The following RBFOX1 variants were observed in gnomAD, a reference collection of about 807,000 sequenced individuals.
The protein encoded by RBFOX1 is RNA binding fox-1 homolog 1.
Under a neutral mutation model 57.7 loss-of-function variants are expected in RBFOX1, and 8 were observed. The observed-to-expected ratio is 0.14, with a 90% confidence interval of 0.08 to 0.25. The LOEUF is 0.25. Ranked by LOEUF, RBFOX1 falls within the 10% of genes least tolerant of loss-of-function variation. The pLI is 1.00. For missense variants in RBFOX1, 611 were observed against 548.5 expected (o/e 1.11, Z -1.14); for synonymous variants, 326 against 222.4 (o/e 1.47, Z -4.15).
intron 1 of RBFOX1, among the ~76,000 whole-genome samples, chr16:6,202,120 A>C (rs1056148025): frequency 7.2e-5 from 11 of 152,220 alleles, no homozygotes; most frequent in African/African-American, 2.7e-4. Context: ...ACACATAGCT[A>C]TGTCAGATCA....
chr16:6,775,344 A>AAG (rs2079141887), intron 3 of RBFOX1, among the ~76,000 whole-genome samples: 1 of 150,822 alleles, frequency 6.6e-6, no homozygotes, highest in African/African-American at 2.4e-5. Context: ...AAAAAAAAAA[A>AAG]AAAAAAAAGT....
chr16:6,368,467 C>T (rs535031543), intron 2 of RBFOX1, among the ~76,000 whole-genome samples: 1 of 152,324 alleles, frequency 6.6e-6, no homozygotes, highest in South Asian at 2.1e-4. Context: ...GTGCTGGTTC[C>T]TAATGTAGAC....
chr16:7,449,993 T>G (rs1222242466), intron 4 of RBFOX1, among the ~76,000 whole-genome samples: 1 of 152,094 alleles, frequency 6.6e-6, no homozygotes, highest in Non-Finnish European at 1.5e-5. Flanking sequence ...AGAAGGGCAC[T>G]CCGGGCCAGT....
chr16:6,817,258 C>T (rs1421303508), intron 3 of RBFOX1, among the ~76,000 whole-genome samples: 1 of 152,202 alleles, frequency 6.6e-6, no homozygotes, highest in East Asian at 1.9e-4. Context: ...ACCCAGGTAA[C>T]ATACTTCTGA....
chr16:6,888,619 C>T (rs1438040302), intron 3 of RBFOX1, among the ~76,000 whole-genome samples: 1 of 152,074 alleles, frequency 6.6e-6, no homozygotes, highest in Non-Finnish European at 1.5e-5. Context: ...TCTTTTGGTT[C>T]ATCAGGCTGT....
chr16:5,512,164 C>G (rs1156747003), intron 2 of RBFOX1, among the ~76,000 whole-genome samples: 1 of 152,106 alleles, frequency 6.6e-6, no homozygotes, highest in Non-Finnish European at 1.5e-5. Context: ...TGGATGTGGG[C>G]TATTGATTGC....
intron 3 of RBFOX1, among the ~76,000 whole-genome samples, chr16:7,044,929 A>G (rs1388263746): frequency 6.6e-6 from 1 of 152,158 alleles, no homozygotes; most frequent in Non-Finnish European, 1.5e-5. Flanking sequence ...AGTTGCAGCA[A>G]TAACTTACTG....
intron 1 of RBFOX1, among the ~76,000 whole-genome samples, chr16:5,451,659 T>C (rs1285226383): frequency 6.6e-6 from 1 of 152,238 alleles, no homozygotes; most frequent in African/African-American, 2.4e-5. Flanking sequence ...TACAATGTCA[T>C]GAGGCTTCAA....
At chr16:5,582,185 C>A (rs993098579) in intron 2 of RBFOX1, among the ~76,000 whole-genome samples, 1 of 152,198 alleles carries the variant, frequency 6.6e-6, no homozygotes, top group African/African-American at 2.4e-5. Context: ...AGACCTCACT[C>A]CCATGAGGTT....
intron 2 of RBFOX1, among the ~76,000 whole-genome samples, chr16:5,511,007 C>T (rs139739255): frequency 1.8e-3 from 270 of 152,186 alleles, no homozygotes; most frequent in African/African-American, 6.2e-3. Context: ...GTTTTACTTA[C>T]GTCATTGCTG....
intron 3 of RBFOX1, among the ~76,000 whole-genome samples, chr16:5,697,844 G>C (rs986321343): frequency 6.6e-6 from 1 of 152,088 alleles, no homozygotes; most frequent in Admixed American, 6.6e-5. Flanking sequence ...TCCATCTATA[G>C]TTTCAACTTT....
intron 4 of RBFOX1, among the ~76,000 whole-genome samples, chr16:7,180,012 G>GA: frequency 6.6e-6 from 1 of 151,984 alleles, no homozygotes. Context: ...CAAAGTGCTG[G>GA]AAATATAGGC....
At chr16:6,722,805 G>T (rs1023627211) in intron 3 of RBFOX1, among the ~76,000 whole-genome samples, 1 of 152,096 alleles carries the variant, frequency 6.6e-6, no homozygotes, top group African/African-American at 2.4e-5. Context: ...TTATCTCAGC[G>T]GCCAGATGGG....
chr16:7,147,466 TC>T, intron 4 of RBFOX1, among the ~76,000 whole-genome samples: 1 of 152,104 alleles, frequency 6.6e-6, no homozygotes, highest in African/African-American at 2.4e-5. Flanking sequence ...ACCCCGGCCT[TC>T]CCACTCCCCT....
At chr16:5,730,720 T>G (rs540551350) in intron 3 of RBFOX1, among the ~76,000 whole-genome samples, 2 of 151,998 alleles carry the variant, frequency 1.3e-5, no homozygotes, top group South Asian at 4.2e-4. Flanking sequence ...CAGCTTATTA[T>G]TATCATCACC....
intron 3 of RBFOX1, among the ~76,000 whole-genome samples, chr16:6,895,883 C>G (rs1055005470): frequency 1.3e-5 from 2 of 151,774 alleles, no homozygotes; most frequent in African/African-American, 2.4e-5. Context: ...TACTCATCCT[C>G]TTATGTCATC....
intron 3 of RBFOX1, among the ~76,000 whole-genome samples, chr16:6,891,503 T>C (rs536586059): frequency 1.3e-5 from 2 of 151,934 alleles, no homozygotes; most frequent in East Asian, 3.9e-4. Flanking sequence ...GAGGGGAAGA[T>C]ATATCAGCTA....
At chr16:6,095,271 A>G (rs61194364) in intron 1 of RBFOX1, among the ~76,000 whole-genome samples, 62,680 of 152,100 alleles carry the variant, frequency 0.41, 13,950 homozygotes, top group Admixed American at 0.52. Context: ...GAATATACAA[A>G]TAAGTGAAGT....
chr16:6,840,661 G>A (rs1051650841), intron 3 of RBFOX1, among the ~76,000 whole-genome samples: 3 of 151,922 alleles, frequency 2.0e-5, no homozygotes, highest in Non-Finnish European at 4.4e-5. Flanking sequence ...GGCCGAGGCT[G>A]GTGGATCATG....
Sources: allele counts gnomAD v4.1 joint callset (sites outside exome capture counted in the v4.1 genomes callset), GRCh38; gene constraint gnomAD v4.1.1; transcripts MANE v1.5; gene names NCBI Gene and HGNC (gene_info 2026-07-23, HGNC 2026-07-21).